Variants in DMD observed in about 807,000 individuals in gnomAD.
The protein encoded by DMD is mutant dystrophin.
In DMD, 63 loss-of-function variants were observed where a neutral mutation model predicts 330.1. The ratio of observed to expected loss-of-function variants is 0.19; its 90% CI spans 0.16 to 0.24. The LOEUF is 0.24. DMD is among the 10% of genes least tolerant of loss of function. The pLI is 1.00. For missense variants in DMD, 3,344 were observed against 2,684.1 expected (o/e 1.25, Z -5.43); for synonymous variants, 1,223 against 959.8 (o/e 1.27, Z -5.07).
chrX:32,472,355 C>G, intron 21 of DMD, 46 bp from the exon 22 acceptor site: 1 of 1,175,893 alleles, frequency 8.5e-7, no homozygotes, highest in Non-Finnish European at 1.2e-6. Flanking sequence ...AATTGTTTCA[C>G]ACTTTGCCAT....
chrX:33,122,054 C>T (rs1004863063), intron 1 of DMD, among the ~76,000 whole-genome samples: 2 of 111,234 alleles, frequency 1.8e-5, no homozygotes, highest in Non-Finnish European at 3.8e-5. Flanking sequence ...GGTGAAACCC[C>T]GTCTCTCCTA....
chrX:31,792,113 A>C (rs998381605), intron 50 of DMD, among the ~76,000 whole-genome samples: 2 of 111,916 alleles, frequency 1.8e-5, no homozygotes, highest in Admixed American at 9.5e-5. Context: ...CCAGTACATG[A>C]AATTAGTACT....
chrX:32,541,297 G>A lies in DMD; in HGVS notation c.2168+3862C>T, dbSNP rs770218145. Among the ~76,000 whole-genome samples the A allele has an allele frequency of 5.4e-5, 6 of 110,504 alleles. No individual in the cohort carries two copies. The South Asian group carries it at 1.2e-3, about 21-fold the overall frequency. Reference sequence around the variant, plus strand: ...CACCATCATCATCATCTCTACTATCGTTACCTCTCCCACCATCACTTCTAC... The same window carrying A: ...CACCATCATCATCATCTCTACTATCATTACCTCTCCCACCATCACTTCTAC... On this transcript the variant is annotated intron_variant, in intron 17 of 78. Coordinates refer to ENST00000357033, the MANE Select transcript of DMD (RefSeq NM_004006.3).
intron 44 of DMD, among the ~76,000 whole-genome samples, chrX:32,080,646 G>A (rs992411399): frequency 2.7e-5 from 3 of 111,838 alleles, no homozygotes; most frequent in Non-Finnish European, 5.6e-5. Context: ...TGAACGGCTT[G>A]ACTACTGTGA....
chrX:32,339,427 T>C lies in DMD; in HGVS notation c.5922+2673A>G, dbSNP rs779161609. Among the ~76,000 whole-genome samples, 8 of 111,978 alleles carry C rather than the reference T, an allele frequency of 7.1e-5. No individual in the cohort carries two copies. In the South Asian group the frequency reaches 2.2e-3, roughly 31 times the overall value. On this transcript the variant is annotated intron_variant, in intron 41 of 78. Coordinates refer to ENST00000357033, the MANE Select transcript of DMD (RefSeq NM_004006.3). ...GAGTTCTCTCATTTTGAATATCTGG[T>C]AAAATTTTTACCTGCGTCCTCCCAG... is the stretch of plus-strand genomic sequence containing the variant.
chrX:32,775,083 G>C (rs773022222), intron 7 of DMD, among the ~76,000 whole-genome samples: 3 of 112,450 alleles, frequency 2.7e-5, no homozygotes, highest in Non-Finnish European at 5.6e-5. Context: ...CCAGGCAATC[G>C]TTAAATCTTA....
chrX:31,862,417 C>G (rs2093722201), intron 48 of DMD, among the ~76,000 whole-genome samples: 1 of 111,167 alleles, frequency 9.0e-6, no homozygotes, highest in Admixed American at 9.6e-5. Context: ...AGGTGTGAGC[C>G]ATTGCGCCTG....
chrX:32,648,196 T>C (rs1295325653), intron 9 of DMD, among the ~76,000 whole-genome samples: 4 of 112,099 alleles, frequency 3.6e-5, no homozygotes, highest in Non-Finnish European at 7.5e-5. Context: ...AACCTAAATA[T>C]TTTGTCTGAG....
intron 62 of DMD, among the ~76,000 whole-genome samples, chrX:31,265,795 GGGT>G (rs1280034634): frequency 1.3e-3 from 92 of 70,751 alleles, no homozygotes; most frequent in African/African-American, 3.4e-3. Flanking sequence ...GGGGGGGGGG[GGGT>G]GGGTGACAAG....
At chrX:32,375,167 C>T (rs1414643040) in intron 34 of DMD, among the ~76,000 whole-genome samples, 1 of 111,235 alleles carries the variant, frequency 9.0e-6, no homozygotes, top group Non-Finnish European at 1.9e-5. Context: ...ATTCCCTTGA[C>T]TCTGCTTTCA....
In DMD at chrX:32,054,193, CTT is replaced by C. The variant is rs752962567; in HGVS notation, c.6439-85681_6439-85680del. On this transcript the variant is annotated intron_variant, in intron 44 of 78. Coordinates refer to ENST00000357033, the MANE Select transcript of DMD (RefSeq NM_004006.3). ...CAGGAGCATAAGGAGGTATTTTCTT[CTT>C]TTTTTTTTTTATTATACTTTAAGTT... 1.2e-3 allele frequency among the ~76,000 whole-genome samples: 116 copies of C among 94,728 alleles called. 1 individual carries two copies. The highest frequency in any genetic ancestry group is 4.2e-3 in the African/African-American group (110 of 26,418). The allele number at this position is 94,728 out of a possible 115,157, so 82.3% of individuals were successfully genotyped here.
intron 17 of DMD, among the ~76,000 whole-genome samples, chrX:32,537,632 G>T (rs2048108997): frequency 9.0e-6 from 1 of 111,656 alleles, no homozygotes; most frequent in Admixed American, 9.5e-5. Flanking sequence ...CAGTTTCAGT[G>T]CTCGATGTAG....
chrX:32,820,052 AAAC>A (rs2078102587), intron 5 of DMD, among the ~76,000 whole-genome samples: 1 of 111,365 alleles, frequency 9.0e-6, no homozygotes, highest in Non-Finnish European at 1.9e-5. Context: ...CATAAATGAA[AAAC>A]AACAGGCTAT....
chrX:33,138,168 CAG>C (rs1328001181), intron 1 of DMD, among the ~76,000 whole-genome samples: 3 of 111,704 alleles, frequency 2.7e-5, no homozygotes, highest in Non-Finnish European at 3.8e-5. Flanking sequence ...ATTTCCAACC[CAG>C]AAAGTTTGGC....
At chrX:32,902,114 A>G (rs2086300308) in intron 2 of DMD, among the ~76,000 whole-genome samples, 1 of 107,493 alleles carries the variant, frequency 9.3e-6, no homozygotes, top group African/African-American at 3.5e-5. Context: ...ATAAAGAACC[A>G]TAGCCAAAAT....
At chrX:31,230,235 A>G (rs1034406844) in intron 63 of DMD, among the ~76,000 whole-genome samples, 1 of 112,499 alleles carries the variant, frequency 8.9e-6, no homozygotes, top group Non-Finnish European at 1.9e-5. Flanking sequence ...TTATGCATTC[A>G]TACTTAGATA....
intron 44 of DMD, among the ~76,000 whole-genome samples, chrX:32,158,336 C>A (rs932114648): frequency 9.0e-6 from 1 of 110,557 alleles, no homozygotes; most frequent in African/African-American, 3.3e-5. Flanking sequence ...AGTTTGTGAC[C>A]AGACTCGGCA....
intron 2 of DMD, among the ~76,000 whole-genome samples, chrX:32,903,088 C>T (rs1050150485): frequency 1.2e-5 from 1 of 83,582 alleles, no homozygotes; most frequent in African/African-American, 4.8e-5. Flanking sequence ...ACCCGGGAGG[C>T]GGAGGTTGCA....
chrX:31,958,350 A>G (rs766773168), intron 45 of DMD, among the ~76,000 whole-genome samples: 1 of 110,709 alleles, frequency 9.0e-6, no homozygotes, highest in East Asian at 2.9e-4. Flanking sequence ...AAATATACAT[A>G]TGGGCATCTA....
Sources: gnomAD v4.1 joint callset for allele counts (sites outside exome capture counted in the v4.1 genomes callset) on GRCh38, gnomAD v4.1.1 for gene constraint, MANE v1.5 for transcripts, NCBI Gene and HGNC (gene_info 2026-07-23, HGNC 2026-07-21) for gene names.